The following STK32A variants were observed in gnomAD, a reference collection of about 807,000 sequenced individuals.
The protein encoded by STK32A is serine/threonine kinase 32A, also known as serine/threonine-protein kinase 32A.
STK32A carries 41 observed loss-of-function variants against 53.2 expected under a neutral mutation model. That is an observed-to-expected ratio of 0.77 (90% CI 0.60 to 1.00). STK32A has a LOEUF of 1.00. Ranked by LOEUF, STK32A falls within the 50% of genes least tolerant of loss-of-function variation. The pLI is 0.00. For missense variants in STK32A, 458 were observed against 485.8 expected, an observed-to-expected ratio of 0.94 and a Z score of 0.54; for synonymous variants, 166 against 162.8, an observed-to-expected ratio of 1.02 and a Z score of -0.15.
chr5:147,258,170 T>TTTTTTTTTTTTTTTTTGAGACG (rs1554099682), intron 2 of STK32A, among the ~76,000 whole-genome samples: 1 of 147,988 alleles, frequency 6.8e-6, no homozygotes, highest in African/African-American at 2.5e-5. Flanking sequence ...TTATAATTTT[T>TTTTTTTTTTTTTTTTTGAGACG]GTTAAAGAGC....
chr5:147,272,638 A>ATAG (rs200400775), intron 2 of STK32A, among the ~76,000 whole-genome samples: 1 of 151,786 alleles, frequency 6.6e-6, no homozygotes, highest in Admixed American at 6.6e-5. Context: ...GGATTTGTTA[A>ATAG]TGGTTGCTTC....
At chr5:147,362,670 T>C (rs1756562447) in intron 8 of STK32A, among the ~76,000 whole-genome samples, 1 of 152,204 alleles carries the variant, frequency 6.6e-6, no homozygotes, top group Admixed American at 6.5e-5. Context: ...CTTATTCCCA[T>C]ATCAACTCTA....
At chr5:147,354,500 T>C (rs1756129521) in intron 7 of STK32A, among the ~76,000 whole-genome samples, 2 of 152,240 alleles carry the variant, frequency 1.3e-5, no homozygotes, top group Admixed American at 1.3e-4. Flanking sequence ...ACTGGGAAAT[T>C]GGAACCTAGG....
rs533684850 is a variant in STK32A, at chr5:147,307,747, T to C, written c.261-16151T>C. Among the ~76,000 whole-genome samples the C allele has an allele frequency of 1.9e-4, 29 of 152,284 alleles. No homozygotes were observed. The South Asian group carries it at 3.5e-3, about 18-fold the overall frequency. On this transcript the variant is annotated intron_variant, in intron 4 of 12. Transcript: ENST00000397936. ...AGATCTACAGTCTAGGATCAAGTTT[T>C]ATTTTGTCTTCATATAAATAAGTAA...
intron 5 of STK32A, among the ~76,000 whole-genome samples, chr5:147,335,724 A>G (rs898740171): frequency 6.6e-6 from 1 of 152,214 alleles, no homozygotes; most frequent in Non-Finnish European, 1.5e-5. Flanking sequence ...CCTGACTCAC[A>G]TAATCCTTCC....
intron 10 of STK32A, among the ~76,000 whole-genome samples, chr5:147,374,358 A>G (rs1238497577): frequency 1.3e-5 from 2 of 152,012 alleles, no homozygotes; most frequent in Non-Finnish European, 2.9e-5. Context: ...GTGATCCTTC[A>G]TGTACACACA....
intron 8 of STK32A, among the ~76,000 whole-genome samples, chr5:147,367,188 C>T (rs1324337019): frequency 6.6e-6 from 1 of 151,860 alleles, no homozygotes; most frequent in African/African-American, 2.4e-5. Context: ...GCCTGAGCCT[C>T]CCAAGTAGCT....
At chr5:147,328,697 A>T (rs983410968) in intron 5 of STK32A, among the ~76,000 whole-genome samples, 2 of 152,216 alleles carry the variant, frequency 1.3e-5, no homozygotes, top group Non-Finnish European at 2.9e-5. Context: ...TTATTTAAAA[A>T]ATAAGGGAAA....
At chr5:147,333,358 C>G (rs1754967207) in intron 5 of STK32A, among the ~76,000 whole-genome samples, 1 of 152,252 alleles carries the variant, frequency 6.6e-6, no homozygotes, top group South Asian at 2.1e-4. Context: ...GTTTTATATC[C>G]TTTTAAGACA....
intron 4 of STK32A, among the ~76,000 whole-genome samples, chr5:147,287,592 C>A (rs1752406013): frequency 6.6e-6 from 1 of 152,142 alleles, no homozygotes; most frequent in African/African-American, 2.4e-5. Context: ...AGGTCTATTA[C>A]AGTTTATGCA....
intron 2 of STK32A, among the ~76,000 whole-genome samples, chr5:147,271,000 AT>A (rs10590732): frequency 8.2e-4 from 122 of 148,562 alleles, no homozygotes; most frequent in South Asian, 1.3e-3. Flanking sequence ...ATCATAGATA[AT>A]TTTTTTTTTT....
chr5:147,325,258 T>C (rs532812971), intron 5 of STK32A, among the ~76,000 whole-genome samples: 1 of 152,238 alleles, frequency 6.6e-6, no homozygotes, highest in Admixed American at 6.5e-5. Flanking sequence ...GTTGGCTAGA[T>C]AAAATATTTG....
At chr5:147,308,409 G>T (rs1753527616) in intron 4 of STK32A, among the ~76,000 whole-genome samples, 1 of 151,978 alleles carries the variant, frequency 6.6e-6, no homozygotes, top group Admixed American at 6.6e-5. Context: ...CAGTGACCTG[G>T]CTAAATTCTC....
the STK32A span, chr5:147,401,761 T>C: frequency 6.3e-7 from 1 of 1,585,692 alleles, no homozygotes; most frequent in East Asian, 2.3e-5. Context: ...GCCAAGCCTA[T>C]TTAATTTAGC....
intron 4 of STK32A, among the ~76,000 whole-genome samples, chr5:147,282,735 G>A (rs1752122536): frequency 6.6e-6 from 1 of 152,096 alleles, no homozygotes; most frequent in Non-Finnish European, 1.5e-5. Context: ...TTGTTCAACA[G>A]GAAAATGTCA....
At position 147,297,579 on chromosome 5, in the gene STK32A, G is replaced by A. The variant is rs563862015; in HGVS notation, c.260+18181G>A. Among the ~76,000 whole-genome samples, 3 of 152,318 alleles carry A rather than the reference G, an allele frequency of 2.0e-5. No homozygotes were observed. The East Asian group carries it at 5.8e-4, about 29-fold the overall frequency. On this transcript the variant is annotated intron_variant, in intron 4 of 12. Coordinates refer to ENST00000397936, the MANE Select transcript of STK32A (RefSeq NM_001112724.2). ...ACTCATTTCAGATCTGATCACAGCT[G>A]GAATGCTGTTTAGCTAATTTCCTGC... is the stretch of plus-strand genomic sequence containing the variant.
chr5:147,342,044 C>G (rs1382539024), intron 5 of STK32A, among the ~76,000 whole-genome samples: 2 of 152,102 alleles, frequency 1.3e-5, no homozygotes, highest in South Asian at 4.1e-4. Context: ...TATAACAGCC[C>G]TCACTTTTCC....
At chr5:147,388,173 C>T (rs913997330), downstream of STK32A, among the ~76,000 whole-genome samples, 12 of 152,192 alleles carry the variant, frequency 7.9e-5, no homozygotes, top group Non-Finnish European at 1.6e-4. Flanking sequence ...AGCCTATGCA[C>T]CTCTTTCTTT....
At chr5:147,381,470 C>T (rs965049820) in intron 11 of STK32A, among the ~76,000 whole-genome samples, 11 of 151,976 alleles carry the variant, frequency 7.2e-5, no homozygotes, top group African/African-American at 2.7e-4. Context: ...TGATGAAACC[C>T]TGCCTCTACT....
Sources: allele counts gnomAD v4.1 joint callset (sites outside exome capture counted in the v4.1 genomes callset), GRCh38; gene constraint gnomAD v4.1.1; transcripts MANE v1.5; gene names NCBI Gene and HGNC (gene_info 2026-07-23, HGNC 2026-07-21).